XKR4: variants seen among roughly 807,000 people sequenced by gnomAD.
XKR4 encodes XK related 4, also known as XK-related protein 4.
In XKR4, 12 loss-of-function variants were observed where a neutral mutation model predicts 53.9. The ratio of observed to expected loss-of-function variants is 0.22; its 90% CI spans 0.14 to 0.36. The LOEUF is 0.36. Among genes scored for constraint, XKR4 ranks in the 10% least tolerant of loss-of-function variants. The probability of loss-of-function intolerance (pLI) is 1.00; values close to 1 mark genes in which losing one functional copy is unlikely to be tolerated. For synonymous variants in XKR4, 354 were observed against 362.4 expected (o/e 0.98, Z 0.26); for missense variants, 799 against 859.5 (o/e 0.93, Z 0.88).
rs143774611 is a variant in XKR4 at position 55,471,607 on chromosome 8, G to C, written c.1007-51674G>C. 5.4e-4 allele frequency among the ~76,000 whole-genome samples: 82 copies of C among 152,238 alleles called. 1 individual carries two copies. The highest frequency in any genetic ancestry group is 1.9e-3 in the African/African-American group (79 of 41,496). ...CAATTTGGAGGCCAGATGCAAACAT[G>C]GATGATATGGTTTGAATGTTTGTCC... On this transcript the variant is annotated intron_variant, in intron 2 of 2. Transcript: ENST00000327381.
intron 2 of XKR4, among the ~76,000 whole-genome samples, chr8:55,383,979 G>A (rs1394535889): frequency 6.6e-6 from 1 of 152,144 alleles, no homozygotes. Flanking sequence ...TATTAGTAAG[G>A]GGAGGCATCA....
At chr8:55,125,919 C>G (rs1816461456) in intron 1 of XKR4, among the ~76,000 whole-genome samples, 1 of 152,094 alleles carries the variant, frequency 6.6e-6, no homozygotes. Flanking sequence ...AAGTGTGAGC[C>G]CTGTGTTACT....
intron 1 of XKR4, among the ~76,000 whole-genome samples, chr8:55,230,441 C>A (rs894178179): frequency 6.6e-6 from 1 of 150,936 alleles, no homozygotes; most frequent in Non-Finnish European, 1.5e-5. Flanking sequence ...CAGCTCACTA[C>A]AACCTCTGCC....
At chr8:55,452,567 C>G in intron 2 of XKR4, 1 of 789,352 alleles carries the variant, frequency 1.3e-6, no homozygotes. Flanking sequence ...GCATCAGCCT[C>G]CGGTTCTCCC....
At chr8:55,449,830 G>C in intron 2 of XKR4, 1 of 1,157,200 alleles carries the variant, frequency 8.6e-7, no homozygotes, top group Non-Finnish European at 1.3e-6. Flanking sequence ...TGCCCTCGTA[G>C]GACCTGTTCT....
chr8:55,338,093 T>C lies in XKR4; in HGVS notation c.807-19585T>C, dbSNP rs115434715. Among the ~76,000 whole-genome samples, 1,332 of 152,296 alleles carry C rather than the reference T, an allele frequency of 8.7e-3. 24 individuals are homozygous for C. The highest frequency in any genetic ancestry group is 0.029 in the African/African-American group (1,225 of 41,560). ...ACAATAAGAAAAAAATGTAAAACTT[T>C]TGTCAGGCATTGTGAAAAGGGAAGG... On this transcript the variant is annotated intron_variant, in intron 1 of 2. Transcript: ENST00000327381.
intron 1 of XKR4, among the ~76,000 whole-genome samples, chr8:55,290,782 A>G (rs1349134486): frequency 3.9e-5 from 6 of 152,148 alleles, no homozygotes; most frequent in Admixed American, 3.9e-4. Context: ...TCTAGATACT[A>G]TTCCTTTGTA....
At chr8:55,475,165 T>C (rs1054121877) in intron 2 of XKR4, among the ~76,000 whole-genome samples, 44 of 150,968 alleles carry the variant, frequency 2.9e-4, no homozygotes, top group African/African-American at 1.0e-3. Flanking sequence ...AAATGGAGAG[T>C]AAAGTGGTGA....
In XKR4 at chr8:55,523,961, T is replaced by C; in HGVS notation, c.1687T>C (p.Phe563Leu). 2 of 1,614,078 alleles carry C rather than the reference T, an allele frequency of 1.2e-6. No homozygotes were observed. The highest frequency in any genetic ancestry group is 1.3e-5 in the African/African-American group (1 of 75,020). ...RSVVSDRDQKFAERDGCVPVF... is the reference protein window; with the variant it reads ...RSVVSDRDQKLAERDGCVPVF... ...TGTTGTCAGCGACCGCGATCAGAAA[T>C]TCGCAGAGCGGGATGGGTGTGTACC... The change falls in exon 3 of 3, where the codon TTC becomes CTC. Residue 563 changes from phenylalanine (F) to leucine (L), a missense_variant. Around this residue, in one of 3 missense-constraint regions of XKR4, gnomAD observed 269 missense variants for 264.4 expected, o/e 1.02. Transcript: ENST00000327381.
intron 1 of XKR4, among the ~76,000 whole-genome samples, chr8:55,212,908 T>C (rs1359784298): frequency 6.6e-6 from 1 of 152,204 alleles, no homozygotes; most frequent in Admixed American, 6.5e-5. Flanking sequence ...TAGAATTATT[T>C]ATTAAAGAAT....
intron 2 of XKR4, among the ~76,000 whole-genome samples, chr8:55,456,258 C>A (rs576017306): frequency 6.6e-6 from 1 of 151,952 alleles, no homozygotes; most frequent in Non-Finnish European, 1.5e-5. Flanking sequence ...ATGGAGAAAC[C>A]CTGTCTCTAC....
intron 2 of XKR4, among the ~76,000 whole-genome samples, chr8:55,478,750 C>G (rs1779344316): frequency 6.6e-6 from 1 of 152,018 alleles, no homozygotes; most frequent in African/African-American, 2.4e-5. Context: ...GGTTGCAATC[C>G]TAGTCTCTGA....
intron 1 of XKR4, among the ~76,000 whole-genome samples, chr8:55,150,722 T>G (rs953508830): frequency 1.3e-5 from 2 of 152,308 alleles, no homozygotes; most frequent in Non-Finnish European, 2.9e-5. Context: ...ATATAACATT[T>G]ATGACATGTC....
At chr8:55,359,478 A>G (rs1038968734) in intron 2 of XKR4, among the ~76,000 whole-genome samples, 3 of 152,212 alleles carry the variant, frequency 2.0e-5, no homozygotes, top group Non-Finnish European at 4.4e-5. Flanking sequence ...CAGAATACAA[A>G]TGAAATTGAA....
chr8:55,332,477 G>A (rs1185820708), intron 1 of XKR4, among the ~76,000 whole-genome samples: 1 of 151,780 alleles, frequency 6.6e-6, no homozygotes. Context: ...ATTTCTTGTA[G>A]GACATATCTA....
intron 2 of XKR4, among the ~76,000 whole-genome samples, chr8:55,424,821 C>G (rs1041179956): frequency 6.6e-6 from 1 of 152,196 alleles, no homozygotes; most frequent in African/African-American, 2.4e-5. Flanking sequence ...ACTTCAGCGT[C>G]ACTCTCAGTC....
intron 2 of XKR4, chr8:55,454,727 T>C (rs972757957): frequency 1.2e-6 from 1 of 816,306 alleles, no homozygotes; most frequent in African/African-American, 1.7e-5. Flanking sequence ...CCGAGGCTGT[T>C]CCTGAACACC....
intron 2 of XKR4, among the ~76,000 whole-genome samples, chr8:55,519,476 CT>C (rs905426020): frequency 1.3e-5 from 2 of 151,530 alleles, no homozygotes; most frequent in African/African-American, 2.4e-5. Flanking sequence ...TTAGGAACAC[CT>C]TTTTTTTTCT....
intron 2 of XKR4, among the ~76,000 whole-genome samples, chr8:55,510,596 C>T (rs1050062431): frequency 5.9e-5 from 9 of 152,060 alleles, no homozygotes; most frequent in African/African-American, 1.9e-4. Flanking sequence ...CCCTGCAGGG[C>T]CCCAGTGTGA....
Sources: allele counts gnomAD v4.1 joint callset (sites outside exome capture counted in the v4.1 genomes callset), GRCh38; gene constraint gnomAD v4.1.1; regional missense constraint gnomAD v4.1.1; transcripts MANE v1.5; gene names NCBI Gene and HGNC (gene_info 2026-07-23, HGNC 2026-07-21).